The following SYNE2 variants were observed in gnomAD, a reference collection of about 807,000 sequenced individuals.
The protein encoded by SYNE2 is nesprin-2.
SYNE2 carries 431 observed loss-of-function variants against 856.3 expected under a neutral mutation model. That is an observed-to-expected ratio of 0.50 (90% confidence interval 0.47 to 0.55). The LOEUF (loss-of-function observed/expected upper bound fraction) is 0.55. Among genes scored for constraint, SYNE2 ranks in the 20% least tolerant of loss-of-function variants. The pLI is 0.00. For synonymous variants in SYNE2, 2,923 were observed against 2,872.3 expected (o/e 1.02, Z -0.56); for missense variants, 8,129 against 8,023.2 (o/e 1.01, Z -0.50).
intron 1 of SYNE2, among the ~76,000 whole-genome samples, chr14:63,908,728 A>G (rs2095437940): frequency 6.6e-6 from 1 of 152,218 alleles, no homozygotes; most frequent in Admixed American, 6.5e-5. Flanking sequence ...TTGAAGGTTG[A>G]AGGCTAACAA....
chr14:64,057,132 C>T (rs1046721324), intron 49 of SYNE2, among the ~76,000 whole-genome samples: 1 of 152,076 alleles, frequency 6.6e-6, no homozygotes, highest in Non-Finnish European at 1.5e-5. Context: ...TACAAACAAT[C>T]CAACTGTACT....
At chr14:63,941,841 G>A (rs1474171937) in intron 4 of SYNE2, 44 bp from the exon 5 acceptor site, 2 of 1,609,328 alleles carry the variant, frequency 1.2e-6, no homozygotes, top group East Asian at 2.2e-5. Flanking sequence ...TAAAAAATAT[G>A]TATTTCATTT....
chr14:63,922,152 C>T (rs940923062), intron 2 of SYNE2, among the ~76,000 whole-genome samples: 21 of 151,968 alleles, frequency 1.4e-4, no homozygotes, highest in African/African-American at 4.4e-4. Flanking sequence ...TATAGCTGTG[C>T]GCCACCATGC....
intron 57 of SYNE2, chr14:64,084,978 C>T (rs1376229814): frequency 1.1e-5 from 8 of 702,262 alleles, no homozygotes; most frequent in Non-Finnish European, 1.0e-5. Context: ...CACGTGGGCT[C>T]CTCCAGGAGT....
intron 45 of SYNE2, among the ~76,000 whole-genome samples, chr14:64,032,386 T>G (rs1342933094): frequency 6.6e-6 from 1 of 151,950 alleles, no homozygotes; most frequent in African/African-American, 2.4e-5. Context: ...GCAAGAACCC[T>G]GTCTCTACCA....
Position 64,056,376 on chromosome 14 carries a change from G to A in SYNE2, c.10067+110G>A, listed in dbSNP as rs7153376. The A allele has an allele frequency of 0.92, 955,333 of 1,039,490 alleles. 440,289 individuals are homozygous for A. The highest frequency in any genetic ancestry group is 0.94 in the Non-Finnish European group (686,827 of 728,806). 64.4% of individuals were successfully genotyped at this position (1,039,490 alleles called of 1,614,324 possible). A position where few individuals can be genotyped will look rare whatever the true frequency, so the allele number is the denominator to read the frequency against. ...ACATAAAATATAGGTTTTTTTCTCT[G>A]TCATTAACACCTATGCATTAGAGAT... On this transcript the variant is annotated intron_variant, in intron 49 of 115. Transcript: ENST00000555002.
intron 1 of SYNE2, among the ~76,000 whole-genome samples, chr14:63,771,330 A>G (rs1886901396): frequency 6.6e-6 from 1 of 151,850 alleles, no homozygotes; most frequent in Admixed American, 6.6e-5. Context: ...TCGGCCTCCC[A>G]AAGTGCTGGG....
intron 87 of SYNE2, among the ~76,000 whole-genome samples, chr14:64,161,031 C>T (rs563204331): frequency 2.6e-5 from 4 of 151,998 alleles, no homozygotes; most frequent in South Asian, 2.1e-4. Context: ...TTATTACTAA[C>T]GTGGGGAAAA....
chr14:64,141,613 A>T, intron 81 of SYNE2, 90 bp downstream of exon 81: 1 of 1,376,656 alleles, frequency 7.3e-7, no homozygotes, highest in Non-Finnish European at 1.0e-6. Context: ...AATAATTTTC[A>T]TTGACACTAC....
chr14:64,204,113 A>G (rs1009991088), intron 100 of SYNE2, among the ~76,000 whole-genome samples: 1 of 152,248 alleles, frequency 6.6e-6, no homozygotes, highest in African/African-American at 2.4e-5. Context: ...TAATGCTACA[A>G]ATTAAAAATA....
chr14:64,190,072 A>G lies in SYNE2; in HGVS notation c.17873A>G (p.Asp5958Gly). The G allele has an allele frequency of 6.2e-7, 1 of 1,613,662 alleles. No individual in the cohort carries two copies. Among genetic ancestry groups the G allele is most frequent in the Non-Finnish European group, 8.5e-7 (1 of 1,179,948 alleles). ...TTTATGTTTTGGTGCCTTTGCCAGG[A>G]CTGCATGGAAGAAATAAACTTGTTT... is the stretch of plus-strand genomic sequence containing the variant. ...IEEMIEKLQK[D>G]CMEEINLFSE... The change falls in exon 99 of 116, where the codon GAC (aspartate) becomes GGC (glycine). Residue 5958 changes from aspartate (D) to glycine (G), a missense_variant and splice_region_variant. Asp to Gly is a moderately conservative substitution (Grantham distance 94). Around this residue, in one of 3 missense-constraint regions of SYNE2, gnomAD observed 5,410 missense variants for 5,284.8 expected, o/e 1.02. Coordinates refer to ENST00000555002, the MANE Select transcript of SYNE2 (RefSeq NM_182914.3).
At position 63,976,589 on chromosome 14, in the gene SYNE2, T is replaced by C. The variant is rs1160160330; in HGVS notation, c.1155T>C (p.Asn385=). The change falls in exon 12 of 116, where the codon AAT becomes AAC. Residue 385 remains asparagine, a synonymous_variant. Transcript: ENST00000555002. ...TTAATGCATGGAAAATAAAGCTAAA[T>C]TATGCCTTGCCCCCACCCCTCCATC... is the stretch of plus-strand genomic sequence containing the variant. ...HQINAWKIKL[N]YALPPPLHQT... The C allele has an allele frequency of 1.2e-6, 2 of 1,607,026 alleles. No homozygotes were observed. Among genetic ancestry groups the C allele is most frequent in the Admixed American group, 3.4e-5 (2 of 59,456 alleles).
chr14:63,815,160 ATATATATC>A (rs1888892751), intron 1 of SYNE2, among the ~76,000 whole-genome samples: 2 of 37,784 alleles, frequency 5.3e-5, no homozygotes, highest in African/African-American at 1.6e-4. Flanking sequence ...ATATATATCC[ATATATATC>A]CACATATATA....
intron 78 of SYNE2, among the ~76,000 whole-genome samples, chr14:64,135,434 T>C (rs1396727084): frequency 6.6e-6 from 1 of 152,118 alleles, no homozygotes. Context: ...GTTGGTCTCA[T>C]TGCCGCCTTA....
intron 57 of SYNE2, chr14:64,084,882 T>C (rs890395550): frequency 2.9e-6 from 2 of 695,256 alleles, no homozygotes; most frequent in African/African-American, 3.5e-5. Flanking sequence ...AAGGCTCGAC[T>C]TGTGTGAGGG....
chr14:64,015,769 G>A (rs1436208232), intron 32 of SYNE2, among the ~76,000 whole-genome samples: 1 of 151,714 alleles, frequency 6.6e-6, no homozygotes, highest in Non-Finnish European at 1.5e-5. Context: ...TTCTTGAAGT[G>A]GTCATTTAGA....
At chr14:64,140,176 A>T (rs186735708) in intron 80 of SYNE2, 103 bp downstream of exon 80, 53 of 1,201,850 alleles carry the variant, frequency 4.4e-5, no homozygotes, top group African/African-American at 4.3e-4. Flanking sequence ...ATTTGTGGAT[A>T]AGGGGTAAGA....
intron 17 of SYNE2, 79 bp downstream of exon 17, chr14:63,982,873 C>T: frequency 6.9e-7 from 1 of 1,447,244 alleles, no homozygotes; most frequent in Non-Finnish European, 9.6e-7. Context: ...AAGTTCATAA[C>T]CAATTGATTT....
At chr14:64,185,596 C>G (rs1316034447) in intron 96 of SYNE2, among the ~76,000 whole-genome samples, 1 of 135,714 alleles carries the variant, frequency 7.4e-6, no homozygotes, top group East Asian at 2.2e-4. Flanking sequence ...TCTTGTCTCA[C>G]TGCAACCTCC....
Sources: gnomAD v4.1 joint callset for allele counts (sites outside exome capture counted in the v4.1 genomes callset) on GRCh38, gnomAD v4.1.1 for gene constraint, gnomAD v4.1.1 regional missense constraint, MANE v1.5 for transcripts, NCBI Gene and HGNC (gene_info 2026-07-23, HGNC 2026-07-21) for gene names.